Variants in PRKAR1B observed in about 807,000 individuals in gnomAD.
PRKAR1B encodes the protein cAMP-dependent protein kinase type I-beta regulatory subunit.
In PRKAR1B, 22 loss-of-function variants were observed where a neutral mutation model predicts 46.5. That is an observed-to-expected ratio of 0.47 (90% CI 0.34 to 0.68). The LOEUF is 0.68. Ranked by LOEUF, PRKAR1B falls within the 30% of genes least tolerant of loss-of-function variation. PRKAR1B has a pLI of 0.01. For missense variants in PRKAR1B, 445 were observed against 535.6 expected, an observed-to-expected ratio of 0.83 and a Z score of 1.67; for synonymous variants, 259 against 217.7, an observed-to-expected ratio of 1.19 and a Z score of -1.67.
At chr7:565,640 A>G (rs891352414) in intron 9 of PRKAR1B, 6 of 152,222 alleles carry the variant, frequency 3.9e-5, no homozygotes, top group African/African-American at 1.4e-4. Context: ...TCTTGCCTGA[A>G]TTGCTATTTA....
chr7:591,247 G>A (rs1288723150), intron 7 of PRKAR1B, among the ~76,000 whole-genome samples: 2 of 152,250 alleles, frequency 1.3e-5, no homozygotes, highest in African/African-American at 4.8e-5. Context: ...GGTCGGTGAG[G>A]CAGGGCTGGG....
intron 9 of PRKAR1B, among the ~76,000 whole-genome samples, chr7:569,664 G>A (rs573159628): frequency 4.1e-4 from 62 of 152,328 alleles, no homozygotes; most frequent in African/African-American, 1.4e-3. Context: ...AGCTGTGGCC[G>A]CTGGAGCACT....
At chr7:640,797 CACACACACACAG>C (rs1205704439) in intron 4 of PRKAR1B, among the ~76,000 whole-genome samples, 137 of 129,146 alleles carry the variant, frequency 1.1e-3, no homozygotes, top group Middle Eastern at 7.5e-3. Flanking sequence ...CACACACACA[CACACACACACAG>C]ACACAAATGA....
intron 9 of PRKAR1B, among the ~76,000 whole-genome samples, chr7:561,194 C>T (rs1778773605): frequency 6.6e-6 from 1 of 151,652 alleles, no homozygotes; most frequent in Non-Finnish European, 1.5e-5. Flanking sequence ...CATGCACACA[C>T]ACCCCACACA....
In PRKAR1B at chr7:714,398, C is replaced by A. The variant is rs899832844; in HGVS notation, c.-22-2871G>T. Among the ~76,000 whole-genome samples, 1 of 152,212 alleles carries A rather than the reference C, an allele frequency of 6.6e-6. No individual in the cohort carries two copies. Among genetic ancestry groups the A allele is most frequent in the African/African-American group, 2.4e-5 (1 of 41,442 alleles). On this transcript the variant is annotated intron_variant, in intron 1 of 10. Coordinates refer to ENST00000537384, the MANE Select transcript of PRKAR1B (RefSeq NM_001164760.2). This position sits in a 1 kb window ranked among gnomAD's most constrained non-coding sequence, Gnocchi z 4.3. ...TCCTCAGGCTGAGCCTCCTTGCCTG[C>A]GTCCTTTTGAGACAAGGATCTCCCA...
intron 10 of PRKAR1B, among the ~76,000 whole-genome samples, chr7:551,168 C>T (rs969176828): frequency 2.6e-5 from 4 of 152,142 alleles, no homozygotes; most frequent in African/African-American, 4.8e-5. Flanking sequence ...GGGGACCCCA[C>T]GTCCAGGGCT....
At chr7:579,123 C>T (rs1780034298) in intron 9 of PRKAR1B, 133 bp downstream of exon 9, 1 of 1,558,478 alleles carries the variant, frequency 6.4e-7, no homozygotes, top group African/African-American at 1.3e-5. Context: ...CATGGAGGCC[C>T]CGGACGGGCG....
intron 4 of PRKAR1B, among the ~76,000 whole-genome samples, chr7:635,659 G>C (rs1254111791): frequency 6.6e-6 from 1 of 152,158 alleles, no homozygotes; most frequent in East Asian, 1.9e-4. Flanking sequence ...TTAGGAAAAA[G>C]GGCTTCTCCC....
At chr7:719,456 G>C (rs1178763963) in intron 1 of PRKAR1B, among the ~76,000 whole-genome samples, 3 of 152,166 alleles carry the variant, frequency 2.0e-5, no homozygotes, top group Non-Finnish European at 4.4e-5. Flanking sequence ...TGGGACTACA[G>C]GTGTGAGTCA....
chr7:697,911 AGGGAG>A (rs1200249270), intron 2 of PRKAR1B, among the ~76,000 whole-genome samples: 16 of 76,114 alleles, frequency 2.1e-4, no homozygotes, highest in African/African-American at 6.5e-4. Context: ...AGGGAAGGGA[AGGGAG>A]GGGAGGGGAG....
chr7:577,870 G>T (rs1203008173), intron 9 of PRKAR1B, among the ~76,000 whole-genome samples: 1 of 152,238 alleles, frequency 6.6e-6, no homozygotes, highest in African/African-American at 2.4e-5. Flanking sequence ...ACAGCTCGGA[G>T]CCGCTCCCGC....
At chr7:603,110 C>CA (rs574470796) in intron 6 of PRKAR1B, 2 of 152,282 alleles carry the variant, frequency 1.3e-5, no homozygotes, top group South Asian at 4.1e-4. Context: ...GGGGTGGCCT[C>CA]AACCCCAAGC....
chr7:622,264 C>T (rs568551718), intron 4 of PRKAR1B, among the ~76,000 whole-genome samples: 1 of 152,314 alleles, frequency 6.6e-6, no homozygotes, highest in Non-Finnish European at 1.5e-5. Flanking sequence ...CACCAGGTGC[C>T]TGCCAAGGCT....
At chr7:618,052 C>T (rs1782929376) in intron 4 of PRKAR1B, among the ~76,000 whole-genome samples, 1 of 152,142 alleles carries the variant, frequency 6.6e-6, no homozygotes, top group African/African-American at 2.4e-5. Flanking sequence ...CCCACCAAAC[C>T]CAGGACCAGT....
chr7:725,119 C>A (rs1396603935), intron 1 of PRKAR1B, among the ~76,000 whole-genome samples: 2 of 150,500 alleles, frequency 1.3e-5, no homozygotes, highest in Non-Finnish European at 2.9e-5. Flanking sequence ...GAGGCTGAGG[C>A]AGGAGAATGG....
At chr7:721,923 G>A (rs1412498839) in intron 1 of PRKAR1B, among the ~76,000 whole-genome samples, 1 of 152,062 alleles carries the variant, frequency 6.6e-6, no homozygotes, top group East Asian at 1.9e-4. Context: ...TCTAGGCAAG[G>A]CATTATTTCT....
chr7:646,554 G>A (rs938868896), intron 4 of PRKAR1B, among the ~76,000 whole-genome samples: 7 of 152,226 alleles, frequency 4.6e-5, no homozygotes, highest in African/African-American at 1.7e-4. Flanking sequence ...TGAAAGAAGA[G>A]CGGAGCTCGT....
intron 4 of PRKAR1B, among the ~76,000 whole-genome samples, chr7:636,771 C>T (rs1784134358): frequency 6.6e-6 from 1 of 152,236 alleles, no homozygotes; most frequent in Non-Finnish European, 1.5e-5. Context: ...GTCCATCTCT[C>T]TGTCTCTGCA....
chr7:578,092 G>A (rs1184203166), intron 9 of PRKAR1B, among the ~76,000 whole-genome samples: 1 of 152,218 alleles, frequency 6.6e-6, no homozygotes, highest in African/African-American at 2.4e-5. Context: ...TGCACGGGTG[G>A]GCGTGGCTTA....
Sources: gnomAD v4.1 joint callset for allele counts (sites outside exome capture counted in the v4.1 genomes callset) on GRCh38, gnomAD v4.1.1 for gene constraint, Gnocchi (gnomAD v3.1) non-coding constraint, MANE v1.5 for transcripts, NCBI Gene and HGNC (gene_info 2026-07-23, HGNC 2026-07-21) for gene names.